The following TIMP2 variants were observed in gnomAD, a reference collection of about 807,000 sequenced individuals.
The protein encoded by TIMP2 is metalloproteinase inhibitor 2.
In TIMP2, 5 loss-of-function variants were observed where a neutral mutation model predicts 24.3. The observed-to-expected ratio is 0.21, with a 90% confidence interval of 0.11 to 0.43. The LOEUF (loss-of-function observed/expected upper bound fraction) is 0.43, where lower values mean the gene tolerates loss of function less well. TIMP2 is among the 20% of genes least tolerant of loss of function. The probability of loss-of-function intolerance (pLI) is 1.00; values close to 1 mark genes in which losing one functional copy is unlikely to be tolerated. For missense variants in TIMP2, 221 were observed against 297.5 expected (o/e 0.74, Z 1.89); for synonymous variants, 130 against 123.2 (o/e 1.06, Z -0.37).
chr17:78,872,489 T>C (rs897440249), intron 2 of TIMP2, among the ~76,000 whole-genome samples: 9 of 152,166 alleles, frequency 5.9e-5, no homozygotes, highest in African/African-American at 1.7e-4. Flanking sequence ...AGGCTGTTTT[T>C]TTCCCCCCGA....
intron 1 of TIMP2, among the ~76,000 whole-genome samples, chr17:78,893,319 G>T: frequency 6.8e-6 from 1 of 146,948 alleles, no homozygotes; most frequent in Non-Finnish European, 1.5e-5. Flanking sequence ...ATGTGCAAGG[G>T]TGTGTGTGTC....
chr17:78,924,022 C>G lies in TIMP2; in HGVS notation c.130+937G>C, dbSNP rs1381614384. ...TGTAGCCAGACTTGCCCCAGGAAAA[C>G]CATGCTGACCAGCACCAGGGCTGCA... On this transcript the variant is annotated intron_variant, in intron 1 of 4. Transcript: ENST00000262768. This position sits in a 1 kb window ranked among gnomAD's most constrained non-coding sequence, Gnocchi z 5.3. Among the ~76,000 whole-genome samples, 3 of 152,206 alleles carry G rather than the reference C, an allele frequency of 2.0e-5. No individual in the cohort carries two copies. Among genetic ancestry groups the G allele is most frequent in the Non-Finnish European group, 2.9e-5 (2 of 68,040 alleles).
intron 1 of TIMP2, among the ~76,000 whole-genome samples, chr17:78,914,190 T>C (rs1457853146): frequency 2.0e-5 from 3 of 152,180 alleles, no homozygotes; most frequent in Non-Finnish European, 4.4e-5. Flanking sequence ...AGGCACAGGT[T>C]ATAACCCAAT....
At chr17:78,918,250 C>T (rs1172529640) in intron 1 of TIMP2, among the ~76,000 whole-genome samples, 1 of 152,216 alleles carries the variant, frequency 6.6e-6, no homozygotes, top group Non-Finnish European at 1.5e-5. Flanking sequence ...CTCAACCTGA[C>T]TTGCTGGGGC....
chr17:78,880,654 G>C (rs1438894093), intron 1 of TIMP2, among the ~76,000 whole-genome samples: 1 of 152,176 alleles, frequency 6.6e-6, no homozygotes, highest in Non-Finnish European at 1.5e-5. Context: ...AGCTATGAAT[G>C]CACCACTGCA....
At chr17:78,897,064 C>G (rs1332793165) in intron 1 of TIMP2, 1 of 945,692 alleles carries the variant, frequency 1.1e-6, no homozygotes, top group East Asian at 1.2e-4. Flanking sequence ...TCCACCCAGG[C>G]AGCGTGGAAG....
chr17:78,924,577 C>T lies in TIMP2; in HGVS notation c.130+382G>A, dbSNP rs2070334262. Among the ~76,000 whole-genome samples the T allele has an allele frequency of 6.6e-6, 1 of 152,160 alleles. No individual in the cohort carries two copies. Among genetic ancestry groups the T allele is most frequent in the Admixed American group, 6.5e-5 (1 of 15,274 alleles). On this transcript the variant is annotated intron_variant, in intron 1 of 4. Coordinates refer to ENST00000262768, the MANE Select transcript of TIMP2 (RefSeq NM_003255.5). This position sits in a 1 kb window ranked among gnomAD's most constrained non-coding sequence, Gnocchi z 5.3. The stretch of plus-strand genomic sequence containing the variant: ...CCACCTTATCTGCGAAAGTTTCTTC[C>T]TGGGGTCCCCAGTCCTCCAGCCCCC...
Position 78,873,852 on chromosome 17 carries a change from G to C in TIMP2, c.198C>G (p.Ile66Met), listed in dbSNP as rs1410997894. ...DSGNDIYGNP[I>M]KRIQYEIKQI... Reference sequence around the variant, plus strand: ...GCTTGATCTCATACTGGATCCTCTTGATAGGGTTGCCATAAATGTCGTTTC... The same window carrying C: ...GCTTGATCTCATACTGGATCCTCTTCATAGGGTTGCCATAAATGTCGTTTC... The change falls in exon 2 of 5, where the codon ATC becomes ATG. Residue 66 changes from isoleucine (I) to methionine (M), a missense_variant. Physicochemically the swap from Ile to Met is conservative, Grantham distance 10. Transcript: ENST00000262768. The C allele has an allele frequency of 6.2e-7, 1 of 1,613,078 alleles. No homozygotes were observed. Among genetic ancestry groups the C allele is most frequent in the Non-Finnish European group, 8.5e-7 (1 of 1,179,976 alleles).
chr17:78,894,359 G>T (rs2069965107), intron 1 of TIMP2, among the ~76,000 whole-genome samples: 1 of 152,000 alleles, frequency 6.6e-6, no homozygotes, highest in Non-Finnish European at 1.5e-5. Flanking sequence ...TTTGACTTAA[G>T]TCTTCTAGTG....
At position 78,893,140 on chromosome 17, in the gene TIMP2, TGC is replaced by T. The variant is rs144590373; in HGVS notation, c.131-19223_131-19222del. Among the ~76,000 whole-genome samples the T allele has an allele frequency of 2.1e-3, 312 of 146,086 alleles. 5 individuals carry two copies. The East Asian group carries it at 0.054, about 25-fold the overall frequency. ...GCACATGTGTGTGCAGGGGTGTGTG[TGC>T]GTACATGTGTGTGCAGGGGTGTGTG... On this transcript the variant is annotated intron_variant, in intron 1 of 4. Coordinates refer to ENST00000262768, the MANE Select transcript of TIMP2 (RefSeq NM_003255.5).
chr17:78,883,795 T>C (rs964477670), intron 1 of TIMP2, among the ~76,000 whole-genome samples: 4 of 152,124 alleles, frequency 2.6e-5, no homozygotes, highest in African/African-American at 9.7e-5. Flanking sequence ...CCGCCCTCTC[T>C]GCCCAGCCTT....
intron 3 of TIMP2, among the ~76,000 whole-genome samples, chr17:78,863,168 C>T (rs981974530): frequency 4.6e-5 from 7 of 152,228 alleles, no homozygotes; most frequent in Admixed American, 3.9e-4. Context: ...TACATTCCCA[C>T]CAACAGCGCA....
chr17:78,860,532 G>A (rs1157830751), intron 3 of TIMP2, among the ~76,000 whole-genome samples: 2 of 152,180 alleles, frequency 1.3e-5, no homozygotes, highest in Non-Finnish European at 2.9e-5. Context: ...ATTGTCCTGG[G>A]CACGGGGCAC....
chr17:78,867,740 C>G (rs1014472141), intron 3 of TIMP2, among the ~76,000 whole-genome samples: 5 of 151,758 alleles, frequency 3.3e-5, no homozygotes, highest in African/African-American at 1.2e-4. Flanking sequence ...GGACTACAGG[C>G]GCCCGCCACC....
At chr17:78,903,470 AC>A (rs1568005378) in intron 1 of TIMP2, among the ~76,000 whole-genome samples, 1 of 151,668 alleles carries the variant, frequency 6.6e-6, no homozygotes, top group Non-Finnish European at 1.5e-5. Flanking sequence ...CTGCATGGAG[AC>A]CTCCCAGGGT....
rs1420230788 is a variant in TIMP2, at chr17:78,873,755, G to A, written c.231+64C>T. 4.2e-6 allele frequency: 6 copies of A among 1,426,220 alleles called. No homozygotes were observed. In the South Asian group the frequency reaches 4.7e-5, roughly 11 times the overall value. The allele number at this position is 1,426,220 out of a possible 1,614,324, so 88.3% of individuals were successfully genotyped here. Reference sequence around the variant, plus strand: ...CGTGTTCCAGGGACCCAGGCTCTCTGCCAACCCCAACACCCCACAGCTGTG... The same window carrying A: ...CGTGTTCCAGGGACCCAGGCTCTCTACCAACCCCAACACCCCACAGCTGTG... On this transcript the variant is annotated intron_variant, in intron 2 of 4. Coordinates refer to ENST00000262768, the MANE Select transcript of TIMP2 (RefSeq NM_003255.5).
chr17:78,867,065 A>C (rs1382039593), intron 3 of TIMP2, among the ~76,000 whole-genome samples: 1 of 152,214 alleles, frequency 6.6e-6, no homozygotes, highest in East Asian at 1.9e-4. Flanking sequence ...GTTCAAGACC[A>C]GCCTGGCCAA....
chr17:78,879,463 G>A (rs1465698136), intron 1 of TIMP2, among the ~76,000 whole-genome samples: 2 of 152,192 alleles, frequency 1.3e-5, no homozygotes, highest in African/African-American at 2.4e-5. Flanking sequence ...GCACAGACAC[G>A]TTTACTGAAC....
chr17:78,868,242 CTTCT>C (rs894692773), intron 3 of TIMP2, among the ~76,000 whole-genome samples: 2 of 151,646 alleles, frequency 1.3e-5, no homozygotes, highest in African/African-American at 4.8e-5. Context: ...TGTCTTGTCT[CTTCT>C]TTCTTTTCTC....
Sources: gnomAD v4.1 joint callset for allele counts (sites outside exome capture counted in the v4.1 genomes callset) on GRCh38, gnomAD v4.1.1 for gene constraint, Gnocchi (gnomAD v3.1) non-coding constraint, MANE v1.5 for transcripts, NCBI Gene and HGNC (gene_info 2026-07-23, HGNC 2026-07-21) for gene names.